Variants in INTS7 observed in about 807,000 individuals in gnomAD.
INTS7 encodes chromosome 1 open reading frame 73.
In INTS7, 46 loss-of-function variants were observed where a neutral mutation model predicts 109.2. That is an observed-to-expected ratio of 0.42 (90% CI 0.33 to 0.54). The LOEUF (loss-of-function observed/expected upper bound fraction) is 0.54. Among genes scored for constraint, INTS7 ranks in the 20% least tolerant of loss-of-function variants. INTS7 has a pLI of 0.07. For synonymous variants in INTS7, 412 were observed against 402.9 expected, an observed-to-expected ratio of 1.02 and a Z score of -0.27; for missense variants, 929 against 1,132.4, an observed-to-expected ratio of 0.82 and a Z score of 2.58.
intron 7 of INTS7, among the ~76,000 whole-genome samples, chr1:211,988,842 C>G (rs1379652142): frequency 6.6e-6 from 1 of 152,140 alleles, no homozygotes; most frequent in Non-Finnish European, 1.5e-5. Flanking sequence ...TATCTTCCTC[C>G]CATTTCTGGC....
chr1:212,013,499 G>A (rs1044398648), intron 4 of INTS7, among the ~76,000 whole-genome samples: 47 of 152,090 alleles, frequency 3.1e-4, no homozygotes, highest in African/African-American at 1.1e-3. Flanking sequence ...TATTGTTGAA[G>A]GAAGAAAAAC....
intron 15 of INTS7, among the ~76,000 whole-genome samples, 183 bp from the exon 16 acceptor site, chr1:211,966,681 T>A (rs1432816812): frequency 6.6e-6 from 1 of 152,174 alleles, no homozygotes; most frequent in Non-Finnish European, 1.5e-5. Flanking sequence ...TCTATAATAG[T>A]GATCCTCAGA....
At chr1:211,956,286 A>G (rs1448714947) in intron 16 of INTS7, among the ~76,000 whole-genome samples, 1 of 152,198 alleles carries the variant, frequency 6.6e-6, no homozygotes, top group East Asian at 1.9e-4. Flanking sequence ...GTAGTTTTAT[A>G]TTAAGTCTTG....
In INTS7 at chr1:211,959,601, C is replaced by T. The variant is rs1276951780; in HGVS notation, c.2183+6829G>A. 1.3e-5 allele frequency among the ~76,000 whole-genome samples: 2 copies of T among 152,202 alleles called. No individual in the cohort carries two copies. Among genetic ancestry groups the T allele is most frequent in the African/African-American group, 4.8e-5 (2 of 41,442 alleles). On this transcript the variant is annotated intron_variant, in intron 16 of 19. Coordinates refer to ENST00000366994, the MANE Select transcript of INTS7 (RefSeq NM_015434.4). This position sits in a 1 kb window ranked among gnomAD's most constrained non-coding sequence, Gnocchi z 4.2. Reference sequence around the variant, plus strand: ...CTCCCCAGCCCCACAAGTGCACGTTCACCTTGCCCTGCCACTGCTGCTGGT... The same window carrying T: ...CTCCCCAGCCCCACAAGTGCACGTTTACCTTGCCCTGCCACTGCTGCTGGT...
intron 1 of INTS7, among the ~76,000 whole-genome samples, chr1:212,034,954 G>C (rs1667357629): frequency 6.6e-6 from 1 of 152,206 alleles, no homozygotes; most frequent in Admixed American, 6.5e-5. Context: ...TCAAGTCGGT[G>C]CAAGATTACT....
At chr1:212,032,877 T>C (rs1667233802) in intron 1 of INTS7, among the ~76,000 whole-genome samples, 1 of 152,240 alleles carries the variant, frequency 6.6e-6, no homozygotes, top group Admixed American at 6.5e-5. Flanking sequence ...CTTGCTGTTC[T>C]TCCACTTGAT....
chr1:211,952,464 C>T, intron 17 of INTS7, 105 bp downstream of exon 17: 1 of 1,142,942 alleles, frequency 8.7e-7, no homozygotes, highest in Non-Finnish European at 1.3e-6. Context: ...GATAAGGAAA[C>T]AGGCACAGAA....
chr1:212,014,166 A>G (rs889921322), intron 4 of INTS7, among the ~76,000 whole-genome samples: 8 of 152,302 alleles, frequency 5.3e-5, no homozygotes, highest in Non-Finnish European at 1.2e-4. Context: ...TGAAGGTTTG[A>G]TAAGAATAGC....
At chr1:211,982,025 TA>T (rs1309597642) in intron 9 of INTS7, among the ~76,000 whole-genome samples, 2 of 152,196 alleles carry the variant, frequency 1.3e-5, no homozygotes, top group Middle Eastern at 3.4e-3. Context: ...TGCTGAAGGC[TA>T]GGGGGGATAA....
In INTS7 at chr1:211,968,654, G is replaced by C; in HGVS notation, c.1869C>G (p.Leu623=). The change falls in exon 14 of 20, where the codon CTC becomes CTG. Residue 623 remains leucine (L), a synonymous_variant. Transcript: ENST00000366994. ...PLSFQCEFVK[L]RIDLLQAFSQ... Reference sequence around the variant, plus strand: ...AGAAGGCTTGTAAAAGGTCAATCCTGAGTTTTACAAATTCACACTGAAAGC... The same window carrying C: ...AGAAGGCTTGTAAAAGGTCAATCCTCAGTTTTACAAATTCACACTGAAAGC... 1.9e-6 allele frequency: 3 copies of C among 1,612,946 alleles called. No individual in the cohort carries two copies. The highest frequency in any genetic ancestry group is 2.5e-6 in the Non-Finnish European group (3 of 1,179,728).
intron 9 of INTS7, 29 bp from the exon 10 acceptor site, chr1:211,981,219 GGTC>G (rs1401697711): frequency 7.1e-7 from 1 of 1,417,974 alleles, no homozygotes; most frequent in Non-Finnish European, 1.0e-6. Flanking sequence ...ACTTTATGAT[GGTC>G]AAGTGATGTG....
intron 7 of INTS7, among the ~76,000 whole-genome samples, chr1:211,997,862 G>A (rs2102454240): frequency 6.9e-6 from 1 of 145,110 alleles, no homozygotes; most frequent in South Asian, 2.2e-4. Flanking sequence ...CCTGGTGACA[G>A]AGCAAAACTC....
At position 211,966,431 on chromosome 1, in the gene INTS7, T is replaced by G; in HGVS notation, c.2182A>C (p.Ser728Arg). ...EALILDPESA[S>R]FQEYGSTGTA... Reference sequence around the variant, plus strand: ...AACTATTATTAATATTAGAATTACCTTGCTGATTCTGGATCCAAAATCAGG... The same window carrying G: ...AACTATTATTAATATTAGAATTACCGTGCTGATTCTGGATCCAAAATCAGG... The change falls in exon 16 of 20, where the codon AGT (serine) becomes CGT (arginine). Residue 728 changes from serine to arginine, a missense_variant and splice_region_variant. Ser to Arg is a moderately radical substitution (Grantham distance 110). Coordinates refer to ENST00000366994, the MANE Select transcript of INTS7 (RefSeq NM_015434.4). 2 of 1,547,078 alleles carry G rather than the reference T, an allele frequency of 1.3e-6. No homozygotes were observed. The highest frequency in any genetic ancestry group is 1.8e-6 in the Non-Finnish European group (2 of 1,119,872).
intron 17 of INTS7, among the ~76,000 whole-genome samples, chr1:211,951,349 C>A (rs1488277069): frequency 6.6e-6 from 1 of 152,000 alleles, no homozygotes; most frequent in Non-Finnish European, 1.5e-5. Context: ...CGCTCTGTTG[C>A]CCGGGCTGGA....
chr1:211,998,460 G>T (rs553102417), intron 7 of INTS7, among the ~76,000 whole-genome samples: 1 of 152,250 alleles, frequency 6.6e-6, no homozygotes, highest in Admixed American at 6.5e-5. Context: ...TAATTCAATG[G>T]GGAAAGAAAA....
chr1:211,966,596 T>C, intron 15 of INTS7, 98 bp from the exon 16 acceptor site: 1 of 722,020 alleles, frequency 1.4e-6, no homozygotes, highest in South Asian at 1.6e-5. Flanking sequence ...AATGATTGCC[T>C]AGTGAAGGTA....
At chr1:212,013,057 A>G (rs1187842986) in intron 4 of INTS7, among the ~76,000 whole-genome samples, 1 of 152,242 alleles carries the variant, frequency 6.6e-6, no homozygotes, top group Non-Finnish European at 1.5e-5. Context: ...CATGTGCAGC[A>G]TAACAACGTT....
At chr1:211,983,440 C>T (rs1162717965) in intron 8 of INTS7, among the ~76,000 whole-genome samples, 1 of 152,086 alleles carries the variant, frequency 6.6e-6, no homozygotes, top group African/African-American at 2.4e-5. Flanking sequence ...ACCTTAAATT[C>T]CATGCTATAG....
rs78617885 is a variant in INTS7 at position 212,002,251 on chromosome 1, T to C, written c.879+4388A>G. Among the ~76,000 whole-genome samples, 1,214 of 152,320 alleles carry C rather than the reference T, an allele frequency of 8.0e-3. 17 individuals are homozygous for C. Among genetic ancestry groups the C allele is most frequent in the African/African-American group, 0.027 (1,141 of 41,576 alleles). On this transcript the variant is annotated intron_variant, in intron 7 of 19. Transcript: ENST00000366994. ...CTCACTACCACCCCAACTACCTTGG[T>C]TCAGGTAACCACATATTTTCTAATT...
Sources: gnomAD v4.1 joint callset for allele counts (sites outside exome capture counted in the v4.1 genomes callset) on GRCh38, gnomAD v4.1.1 for gene constraint, Gnocchi (gnomAD v3.1) non-coding constraint, MANE v1.5 for transcripts, NCBI Gene and HGNC (gene_info 2026-07-23, HGNC 2026-07-21) for gene names.